The following MRC1 variants were observed in gnomAD, a reference collection of about 807,000 sequenced individuals.
MRC1 encodes the protein mannose receptor C-type 1.
In MRC1, 62 loss-of-function variants were observed where a neutral mutation model predicts 102.9. The observed-to-expected ratio is 0.60, with a 90% confidence interval of 0.49 to 0.74. The LOEUF is 0.74. Among genes scored for constraint, MRC1 ranks in the 30% least tolerant of loss-of-function variants. MRC1 has a pLI of 0.00. For synonymous variants in MRC1, 457 were observed against 298.4 expected (o/e 1.53, Z -5.48); for missense variants, 1,237 against 862.8 (o/e 1.43, Z -5.43).
intron 9 of MRC1, among the ~76,000 whole-genome samples, chr10:17,858,022 G>T (rs907001133): frequency 6.6e-6 from 1 of 151,842 alleles, no homozygotes; most frequent in Non-Finnish European, 1.5e-5. Flanking sequence ...CAAATTATAA[G>T]ATATACCACC....
chr10:17,832,460 C>T (rs1838589364), intron 3 of MRC1, among the ~76,000 whole-genome samples: 2 of 150,126 alleles, frequency 1.3e-5, no homozygotes, highest in Non-Finnish European at 2.9e-5. Flanking sequence ...GAGGCTGAGG[C>T]AGGAGAATGG....
At chr10:17,863,068 A>C (rs1833207594) in intron 10 of MRC1, 1 of 157,418 alleles carries the variant, frequency 6.4e-6, no homozygotes, top group African/African-American at 2.4e-5. Context: ...GAGAGAATAA[A>C]ATTGAGGGGG....
chr10:17,869,851 T>G (rs2130674732), intron 12 of MRC1, among the ~76,000 whole-genome samples: 1 of 152,350 alleles, frequency 6.6e-6, no homozygotes, highest in Non-Finnish European at 1.5e-5. Flanking sequence ...CTTCAAATTC[T>G]TCTTCTTCAT....
chr10:17,867,873 C>T (rs2130671851), intron 12 of MRC1, among the ~76,000 whole-genome samples: 1 of 152,260 alleles, frequency 6.6e-6, no homozygotes, highest in Non-Finnish European at 1.5e-5. Context: ...GAGAGTCCTC[C>T]CTTTTTCTGA....
At chr10:17,894,139 T>A in intron 22 of MRC1, 71 bp from the exon 23 acceptor site, 1 of 853,664 alleles carries the variant, frequency 1.2e-6, no homozygotes, top group Non-Finnish European at 2.1e-6. Context: ...ATTTTTTTGC[T>A]TATTAATGAA....
rs949041144 is a variant in MRC1, at chr10:17,893,193, T to C, written c.3148-1017T>C. Among the ~76,000 whole-genome samples, 200 of 138,492 alleles carry C rather than the reference T, an allele frequency of 1.4e-3. 2 individuals are homozygous for C. The highest frequency in any genetic ancestry group is 5.0e-3 in the African/African-American group (192 of 38,290). The allele number at this position is 138,492 out of a possible 152,430, so 90.9% of individuals were successfully genotyped here. On this transcript the variant is annotated intron_variant, in intron 22 of 29. Transcript: ENST00000569591. ...CCTTCCTTCCCAAGGTCTTGTTCTCTCAGCTTGGCTGGAGTGCAGTGGTAT... is the reference window on the plus strand; with the variant it reads ...CCTTCCTTCCCAAGGTCTTGTTCTCCCAGCTTGGCTGGAGTGCAGTGGTAT...
chr10:17,897,766 T>A (rs1463722512), intron 23 of MRC1, among the ~76,000 whole-genome samples: 2 of 152,246 alleles, frequency 1.3e-5, no homozygotes, highest in Non-Finnish European at 2.9e-5. Context: ...ATTTGTCACA[T>A]GTTTTGTTTG....
intron 22 of MRC1, among the ~76,000 whole-genome samples, chr10:17,891,148 T>C (rs1341348003): frequency 6.8e-6 from 1 of 147,972 alleles, no homozygotes; most frequent in East Asian, 2.0e-4. Context: ...TATTTATTTA[T>C]TTATTTATTT....
In MRC1 at chr10:17,849,729, A is replaced by C; in HGVS notation, c.1214A>C (p.Glu405Ala). 2.6e-6 allele frequency: 2 copies of C among 780,952 alleles called. No individual in the cohort carries two copies. 48.4% of individuals were successfully genotyped at this position (780,952 alleles called of 1,614,324 possible). A position where few individuals can be genotyped will look rare whatever the true frequency, so the allele number is the denominator to read the frequency against. ...GACCTCACAAGTATCCACACCATCG[A>C]GGAATTGGACTTTATTATCTCCCAG... ...GGDLTSIHTI[E>A]ELDFIISQLG... Residue 405 changes from glutamate to alanine, a missense_variant, in exon 7 of 30, where the codon GAG becomes GCG. Coordinates refer to ENST00000569591, the MANE Select transcript of MRC1 (RefSeq NM_002438.4).
chr10:17,837,103 C>T (rs2130619252), intron 4 of MRC1, among the ~76,000 whole-genome samples: 1 of 152,276 alleles, frequency 6.6e-6, no homozygotes, highest in Admixed American at 6.5e-5. Flanking sequence ...TGCTATCGGA[C>T]TCGAGCTGCA....
At chr10:17,821,192 C>G (rs1838389681) in intron 1 of MRC1, among the ~76,000 whole-genome samples, 1 of 152,070 alleles carries the variant, frequency 6.6e-6, no homozygotes, top group South Asian at 2.1e-4. Flanking sequence ...TTTGAAGTTG[C>G]AGAGAACTAG....
intron 5 of MRC1, 51 bp downstream of exon 5, chr10:17,840,857 ACGC>A: frequency 1.3e-6 from 1 of 780,608 alleles, no homozygotes; most frequent in Non-Finnish European, 2.4e-6. Flanking sequence ...AGTCATCTAG[ACGC>A]CCCGAAGACG....
At chr10:17,907,821 T>C in intron 28 of MRC1, 123 bp downstream of exon 28, 1 of 718,946 alleles carries the variant, frequency 1.4e-6, no homozygotes, top group Middle Eastern at 3.6e-4. Context: ...CTTTCATCCG[T>C]GAAAAATCCA....
intron 22 of MRC1, among the ~76,000 whole-genome samples, chr10:17,893,343 G>C (rs1475695541): frequency 6.6e-6 from 1 of 152,094 alleles, no homozygotes; most frequent in Admixed American, 6.5e-5. Context: ...TTTTTGTAGA[G>C]TTGAGGTCTC....
At chr10:17,859,811 A>G (rs1008728371) in intron 9 of MRC1, among the ~76,000 whole-genome samples, 3 of 152,316 alleles carry the variant, frequency 2.0e-5, no homozygotes, top group African/African-American at 7.2e-5. Context: ...GGGTTCCCAT[A>G]CAATGTGGAT....
At chr10:17,861,184 G>A (rs914024172) in intron 9 of MRC1, among the ~76,000 whole-genome samples, 9 of 152,104 alleles carry the variant, frequency 5.9e-5, no homozygotes, top group Admixed American at 3.3e-4. Context: ...GTGGTGGCAC[G>A]TGCCTGTAAT....
chr10:17,868,401 T>C (rs1833308770), intron 12 of MRC1, among the ~76,000 whole-genome samples: 2 of 151,006 alleles, frequency 1.3e-5, no homozygotes, highest in South Asian at 4.2e-4. Context: ...CTACCACTTA[T>C]AAAACCATCA....
chr10:17,839,589 G>C (rs1300525998), intron 4 of MRC1, among the ~76,000 whole-genome samples: 3 of 152,098 alleles, frequency 2.0e-5, no homozygotes, highest in Non-Finnish European at 4.4e-5. Flanking sequence ...TAGGAGGAAC[G>C]CTTGGACCCA....
chr10:17,847,176 C>G (rs1002619503), intron 6 of MRC1, among the ~76,000 whole-genome samples: 6,255 of 151,990 alleles, frequency 0.041, 315 homozygotes, highest in African/African-American at 0.12. Context: ...TTTTGGAAGC[C>G]TTCATTACAA....
Sources: allele counts gnomAD v4.1 joint callset (sites outside exome capture counted in the v4.1 genomes callset), GRCh38; gene constraint gnomAD v4.1.1; transcripts MANE v1.5; gene names NCBI Gene and HGNC (gene_info 2026-07-23, HGNC 2026-07-21).